The following MAPKAPK3 variants were observed in gnomAD, a reference collection of about 807,000 sequenced individuals.
MAPKAPK3 encodes MAP kinase-activated protein kinase 3.
MAPKAPK3 carries 35 observed loss-of-function variants against 49.2 expected under a neutral mutation model. The observed-to-expected ratio is 0.71, with a 90% CI of 0.54 to 0.94. The LOEUF (loss-of-function observed/expected upper bound fraction) is 0.94, where lower values mean the gene tolerates loss of function less well. Among genes scored for constraint, MAPKAPK3 ranks in the 40% least tolerant of loss-of-function variants. The pLI, the probability that MAPKAPK3 is intolerant of heterozygous loss-of-function variation, is 0.00. For missense variants in MAPKAPK3, 398 were observed against 493.1 expected, an observed-to-expected ratio of 0.81 and a Z score of 1.83; for synonymous variants, 178 against 188.7, an observed-to-expected ratio of 0.94 and a Z score of 0.46.
In MAPKAPK3 at chr3:50,617,650, G is replaced by T. The variant is rs373642329; in HGVS notation, c.85G>T (p.Gly29Trp). The change falls in exon 2 of 11, where the codon GGG (glycine) becomes TGG (tryptophan). Residue 29 changes from glycine (G) to tryptophan (W), a missense_variant. This residue lies in a region of MAPKAPK3 where 123 missense variants were observed against 117.7 expected (regional missense o/e 1.04). Transcript: ENST00000621469. The stretch of plus-strand genomic sequence containing the variant: ...CGGACCCGGCTTGGGCGGTGCTCCG[G>T]GGGGGCGGCGGGAGCCCAAGAAGTA... ...PGGPGLGGAP[G>W]GRREPKKYAV... is the part of the protein sequence containing the mutation. 2.2e-5 allele frequency: 36 copies of T among 1,610,342 alleles called. No homozygotes were observed. Among genetic ancestry groups the T allele is most frequent in the Non-Finnish European group, 6.8e-6 (8 of 1,177,604 alleles).
At chr3:50,638,030 G>A (rs896393676) in intron 2 of MAPKAPK3, among the ~76,000 whole-genome samples, 22 of 152,226 alleles carry the variant, frequency 1.4e-4, no homozygotes, top group Non-Finnish European at 2.9e-4. Context: ...GGCCACAGGT[G>A]GATTAGAGTC....
chr3:50,647,389 T>C (rs2033329397), intron 10 of MAPKAPK3, among the ~76,000 whole-genome samples, 186 bp downstream of exon 10: 1 of 152,168 alleles, frequency 6.6e-6, no homozygotes, highest in South Asian at 2.1e-4. Context: ...CGCCATTCAG[T>C]GTGGTGCTCC....
chr3:50,615,497 G>A (rs1035261486), upstream of MAPKAPK3, among the ~76,000 whole-genome samples: 4 of 133,700 alleles, frequency 3.0e-5, no homozygotes, highest in African/African-American at 7.7e-5. Flanking sequence ...GGAGGCCATG[G>A]TTTGAGGATA....
upstream of MAPKAPK3, chr3:50,614,137 A>G (rs541893477): frequency 5.3e-5 from 8 of 152,208 alleles, no homozygotes; most frequent in African/African-American, 1.9e-4. Context: ...TGCTGGGAAC[A>G]GTGATGTGCC....
chr3:50,611,794 C>A (rs759335042), upstream of MAPKAPK3: 547 of 1,143,514 alleles, frequency 4.8e-4, 3 homozygotes, highest in Middle Eastern at 1.5e-3. Context: ...TGGCGCGGAC[C>A]GCCTGCGAGG....
chr3:50,638,224 G>A (rs2033088628), intron 2 of MAPKAPK3, among the ~76,000 whole-genome samples: 1 of 152,086 alleles, frequency 6.6e-6, no homozygotes, highest in South Asian at 2.1e-4. Context: ...CTGGGGAGGA[G>A]AGAACCAGGC....
intron 2 of MAPKAPK3, among the ~76,000 whole-genome samples, chr3:50,619,849 G>A (rs747342103): frequency 6.6e-6 from 1 of 152,162 alleles, no homozygotes; most frequent in Non-Finnish European, 1.5e-5. Context: ...AACTTCCACA[G>A]CACCTCATCA....
Position 50,646,247 on chromosome 3 carries a change from C to T in MAPKAPK3, c.812C>T (p.Ser271Leu). The change falls in exon 8 of 11, where the codon TCA becomes TTA. Residue 271 changes from serine to leucine, a missense_variant. Around this residue, in one of 5 missense-constraint regions of MAPKAPK3, gnomAD observed 152 missense variants for 177.3 expected, o/e 0.86. Transcript: ENST00000621469. The part of the protein sequence containing the change: ...GQYGFPNPEW[S>L]EVSEDAKQLI... ...TACGGCTTCCCCAATCCTGAGTGGT[C>T]AGAAGTCTCTGAGGATGGTGAGTGA... 1.2e-6 allele frequency: 2 copies of T among 1,614,118 alleles called. No homozygotes were observed. The highest frequency in any genetic ancestry group is 1.7e-6 in the Non-Finnish European group (2 of 1,180,022).
At chr3:50,642,182 A>G in intron 4 of MAPKAPK3, 71 bp from the exon 5 acceptor site, 1 of 987,178 alleles carries the variant, frequency 1.0e-6, no homozygotes, top group Non-Finnish European at 1.6e-6. Flanking sequence ...GACTGTGTCC[A>G]GGAGGGATGA....
chr3:50,632,353 G>C (rs1420621612), intron 2 of MAPKAPK3, among the ~76,000 whole-genome samples: 1 of 152,240 alleles, frequency 6.6e-6, no homozygotes, highest in East Asian at 1.9e-4. Flanking sequence ...CTCATTTATA[G>C]TTATGAACTT....
intron 6 of MAPKAPK3, 42 bp from the exon 7 acceptor site, chr3:50,645,668 A>T (rs1259608416): frequency 6.4e-7 from 1 of 1,558,188 alleles, no homozygotes; most frequent in Non-Finnish European, 8.9e-7. Flanking sequence ...GGGCTCCAAG[A>T]CCCTTGGGTC....
At position 50,640,387 on chromosome 3, in the gene MAPKAPK3, G is replaced by A; in HGVS notation, c.241G>A (p.Ala81Thr). 1 of 1,614,022 alleles carries A rather than the reference G, an allele frequency of 6.2e-7. No individual in the cohort carries two copies. Among genetic ancestry groups the A allele is most frequent in the Non-Finnish European group, 8.5e-7 (1 of 1,179,938 alleles). The stretch of plus-strand genomic sequence containing the variant: ...ACAGCTCCTGTATGACAGCCCCAAG[G>A]CCCGGCAGGAGGTAGACCATCACTG... Reference protein sequence around the residue: ...ALKLLYDSPKARQEVDHHWQA... With the variant: ...ALKLLYDSPKTRQEVDHHWQA... Residue 81 changes from alanine to threonine, a missense_variant, in exon 3 of 11, where the codon GCC (alanine) becomes ACC (threonine). By Grantham distance (58) the Ala-to-Thr change is moderately conservative. Coordinates refer to ENST00000621469, the MANE Select transcript of MAPKAPK3 (RefSeq NM_001243925.2).
chr3:50,636,831 G>T (rs1378596958), intron 2 of MAPKAPK3, among the ~76,000 whole-genome samples: 2 of 152,174 alleles, frequency 1.3e-5, no homozygotes, highest in Non-Finnish European at 2.9e-5. Flanking sequence ...AGGAGAGACA[G>T]CTCAGGGGAT....
rs975963806 is a variant in MAPKAPK3, at chr3:50,646,190, C to A, written c.755C>A (p.Pro252Gln). Reference protein sequence around the residue: ...FYSNTGQAISPGMKRRIRLGQ... With the variant: ...FYSNTGQAISQGMKRRIRLGQ... Reference sequence around the variant, plus strand: ...TCCAACACGGGCCAGGCCATCTCCCCGGGGATGAAGAGGAGGATTCGCCTG... The same window carrying A: ...TCCAACACGGGCCAGGCCATCTCCCAGGGGATGAAGAGGAGGATTCGCCTG... Residue 252 changes from proline to glutamine, a missense_variant, in exon 8 of 11, where the codon CCG (proline) becomes CAG (glutamine). By Grantham distance (76) the Pro-to-Gln change is moderately conservative (BLOSUM62 -1). Around this residue, in one of 5 missense-constraint regions of MAPKAPK3, gnomAD observed 152 missense variants for 177.3 expected, o/e 0.86. Coordinates refer to ENST00000621469, the MANE Select transcript of MAPKAPK3 (RefSeq NM_001243925.2). 6.2e-7 allele frequency: 1 copy of A among 1,614,028 alleles called. No individual in the cohort carries two copies. The highest frequency in any genetic ancestry group is 8.5e-7 in the Non-Finnish European group (1 of 1,180,026).
upstream of MAPKAPK3, among the ~76,000 whole-genome samples, chr3:50,616,865 C>T (rs2032476254): frequency 6.6e-6 from 1 of 151,984 alleles, no homozygotes; most frequent in East Asian, 1.9e-4. Flanking sequence ...CTGTCACGTT[C>T]TAGGTTGCGA....
In MAPKAPK3 at chr3:50,617,532, G is replaced by T; in HGVS notation, c.-34G>T. 1 of 1,093,752 alleles carries T rather than the reference G, an allele frequency of 9.1e-7. No homozygotes were observed. The highest frequency in any genetic ancestry group is 2.0e-5 in the Admixed American group (1 of 51,048). 67.8% of individuals were successfully genotyped at this position (1,093,752 alleles called of 1,614,324 possible). A position where few individuals can be genotyped will look rare whatever the true frequency, so the allele number is the denominator to read the frequency against. On this transcript the variant is annotated 5_prime_UTR_variant, in exon 2 of 11. It adds an upstream start codon to the 5' untranslated region. Transcript: ENST00000621469. ...CCCCCAGGTGCCACTAGAAGCGCCAGGCTGGGGCCGCCTCTGAGCGCCCCG... is the reference window on the plus strand; with the variant it reads ...CCCCCAGGTGCCACTAGAAGCGCCATGCTGGGGCCGCCTCTGAGCGCCCCG...
chr3:50,624,568 G>T (rs1229723505), intron 2 of MAPKAPK3, among the ~76,000 whole-genome samples: 1 of 152,160 alleles, frequency 6.6e-6, no homozygotes, highest in East Asian at 1.9e-4. Context: ...TTGGGCTGTT[G>T]TTCAGACTAT....
intron 2 of MAPKAPK3, among the ~76,000 whole-genome samples, chr3:50,622,209 G>A (rs1324236983): frequency 6.6e-6 from 1 of 152,180 alleles, no homozygotes; most frequent in Admixed American, 6.5e-5. Flanking sequence ...GGGAAACTAA[G>A]CTCTGGAGAC....
intron 8 of MAPKAPK3, 117 bp from the exon 9 acceptor site, chr3:50,646,623 T>C (rs1238612038): frequency 8.2e-6 from 7 of 853,730 alleles, no homozygotes; most frequent in African/African-American, 1.7e-5. Context: ...TTTCTGTGGG[T>C]TGGGAATTTG....
Sources: allele counts gnomAD v4.1 joint callset (sites outside exome capture counted in the v4.1 genomes callset), GRCh38; gene constraint gnomAD v4.1.1; regional missense constraint gnomAD v4.1.1; transcripts MANE v1.5; gene names NCBI Gene and HGNC (gene_info 2026-07-23, HGNC 2026-07-21).